Variants in ZNF536 observed in about 807,000 individuals in gnomAD.
ZNF536 encodes the protein zinc finger protein 536.
Under a neutral mutation model 84.5 loss-of-function variants are expected in ZNF536, and 13 were observed. The ratio of observed to expected loss-of-function variants is 0.15; its 90% CI spans 0.10 to 0.24. The LOEUF is 0.24. ZNF536 is among the 10% of genes least tolerant of loss of function. ZNF536 has a pLI of 1.00. For synonymous variants in ZNF536, 811 were observed against 742.5 expected (o/e 1.09, Z -1.50); for missense variants, 1,536 against 1,747.5 (o/e 0.88, Z 2.16).
chr19:30,604,591 T>C (rs2047804331), intron 1 of ZNF536, among the ~76,000 whole-genome samples: 1 of 152,182 alleles, frequency 6.6e-6, no homozygotes, highest in African/African-American at 2.4e-5. Flanking sequence ...TCAGAGGCAC[T>C]AACTGGTCAC....
chr19:30,536,077 G>A (rs2045065948), intron 3 of ZNF536, among the ~76,000 whole-genome samples: 1 of 151,986 alleles, frequency 6.6e-6, no homozygotes, highest in African/African-American at 2.4e-5. Flanking sequence ...CTCTCTTGGA[G>A]TCATCTCAGG....
At chr19:30,466,813 G>T (rs1054426495) in intron 2 of ZNF536, among the ~76,000 whole-genome samples, 9 of 143,678 alleles carry the variant, frequency 6.3e-5, no homozygotes, top group African/African-American at 2.3e-4. Context: ...AGGAAGGAAG[G>T]GAAGGAAACT....
chr19:30,641,594 T>A (rs532047704), intron 1 of ZNF536, among the ~76,000 whole-genome samples: 2 of 152,364 alleles, frequency 1.3e-5, no homozygotes, highest in African/African-American at 2.4e-5. Flanking sequence ...ACAGGGAATG[T>A]CTTTGAACAT....
intron 2 of ZNF536, among the ~76,000 whole-genome samples, chr19:30,304,298 A>G (rs189118223): frequency 7.2e-5 from 11 of 152,310 alleles, no homozygotes; most frequent in African/African-American, 2.2e-4. Flanking sequence ...GGCCAGTTCA[A>G]TGGAGCTCGA....
intron 1 of ZNF536, among the ~76,000 whole-genome samples, chr19:30,275,309 G>T (rs1422841347): frequency 6.6e-6 from 1 of 152,140 alleles, no homozygotes; most frequent in Non-Finnish European, 1.5e-5. Flanking sequence ...TAAGAACACT[G>T]ACCTACAGGG....
intron 1 of ZNF536, among the ~76,000 whole-genome samples, chr19:30,236,310 T>C (rs972135944): frequency 3.9e-5 from 6 of 152,336 alleles, no homozygotes; most frequent in Admixed American, 6.5e-5. Flanking sequence ...CTCATGGACA[T>C]TGCATGCACC....
chr19:30,521,444 G>C (rs1462971648), intron 2 of ZNF536, among the ~76,000 whole-genome samples: 2 of 152,122 alleles, frequency 1.3e-5, no homozygotes, highest in African/African-American at 4.8e-5. Flanking sequence ...CCAGTCTATG[G>C]GATTCCCAGA....
chr19:30,659,215 G>C (rs868491409), intron 1 of ZNF536, among the ~76,000 whole-genome samples: 8 of 152,182 alleles, frequency 5.3e-5, no homozygotes, highest in African/African-American at 1.9e-4. Context: ...CAGGAAGCAT[G>C]GCTGGGGAGG....
At chr19:30,329,819 C>G (rs1360632910) in intron 2 of ZNF536, among the ~76,000 whole-genome samples, 1 of 152,118 alleles carries the variant, frequency 6.6e-6, no homozygotes, top group East Asian at 1.9e-4. Context: ...CATAAGTTAA[C>G]TTACTGGGTC....
intron 1 of ZNF536, among the ~76,000 whole-genome samples, chr19:30,426,505 T>C (rs1452506814): frequency 1.3e-5 from 2 of 152,210 alleles, no homozygotes; most frequent in Non-Finnish European, 2.9e-5. Context: ...TAGGTGAATC[T>C]TTACCCTGAA....
chr19:30,256,673 G>A (rs576979339), intron 1 of ZNF536, among the ~76,000 whole-genome samples: 1 of 152,316 alleles, frequency 6.6e-6, no homozygotes, highest in African/African-American at 2.4e-5. Flanking sequence ...GGAGCTCTCT[G>A]AAGCCGGGCC....
At chr19:30,316,782 G>T (rs1482001139) in intron 2 of ZNF536, among the ~76,000 whole-genome samples, 1 of 152,216 alleles carries the variant, frequency 6.6e-6, no homozygotes, top group Non-Finnish European at 1.5e-5. Flanking sequence ...GGCCACCTGA[G>T]GGCTGGTACA....
intron 1 of ZNF536, among the ~76,000 whole-genome samples, chr19:30,582,373 C>CT (rs2046950809): frequency 8.0e-6 from 1 of 125,446 alleles, no homozygotes; most frequent in Non-Finnish European, 1.7e-5. Context: ...TTCCTAGTTT[C>CT]TCTTTTTTTT....
rs914897874 is a variant in ZNF536 at position 30,286,530 on chromosome 19, C to CAG, written c.-120+2405_-120+2406dup. Among the ~76,000 whole-genome samples, 71 of 120,190 alleles carry CAG rather than the reference C, an allele frequency of 5.9e-4. No individual in the cohort carries two copies. The East Asian group carries it at 0.011, about 19-fold the overall frequency. 78.8% of individuals were successfully genotyped at this position (120,190 alleles called of 152,430 possible). ...AGAGAAAGAGAGACAGAGACAGAGA[C>CAG]AGAGAGAGAGAGAGAGAAAGAGAGA... On this transcript the variant is annotated intron_variant, in intron 2 of 5. Coordinates refer to the ZNF536 transcript ENST00000585628.
chr19:30,601,972 C>T (rs1468928593), intron 1 of ZNF536, among the ~76,000 whole-genome samples: 1 of 152,224 alleles, frequency 6.6e-6, no homozygotes, highest in Non-Finnish European at 1.5e-5. Context: ...AAAACGTCCT[C>T]TCCCCACAGT....
chr19:30,428,531 C>T (rs566885031), intron 1 of ZNF536, among the ~76,000 whole-genome samples: 116 of 152,274 alleles, frequency 7.6e-4, no homozygotes, highest in African/African-American at 2.6e-3. Flanking sequence ...CAGTGGCCAC[C>T]CTGTGGGGAC....
chr19:30,429,858 G>A (rs2051372876), intron 1 of ZNF536, among the ~76,000 whole-genome samples: 2 of 152,220 alleles, frequency 1.3e-5, no homozygotes, highest in African/African-American at 2.4e-5. Context: ...AAAAAGGCAC[G>A]TTGAAGGACT....
chr19:30,654,300 T>C (rs917197463), intron 1 of ZNF536, among the ~76,000 whole-genome samples: 5 of 152,082 alleles, frequency 3.3e-5, no homozygotes, highest in African/African-American at 7.2e-5. Context: ...GTGGGCAGTA[T>C]TGGGGATCAT....
intron 1 of ZNF536, among the ~76,000 whole-genome samples, chr19:30,424,235 G>A: frequency 6.6e-6 from 1 of 152,170 alleles, no homozygotes; most frequent in East Asian, 1.9e-4. Flanking sequence ...CACACACAGT[G>A]GGCTGCAGGG....
Sources: gnomAD v4.1 joint callset for allele counts (sites outside exome capture counted in the v4.1 genomes callset) on GRCh38, gnomAD v4.1.1 for gene constraint, MANE v1.5 for transcripts, NCBI Gene and HGNC (gene_info 2026-07-23, HGNC 2026-07-21) for gene names.